The following MAGI1 variants were observed in gnomAD, a reference collection of about 807,000 sequenced individuals.
The protein encoded by MAGI1 is membrane associated guanylate kinase, WW and PDZ domain containing 1.
Under a neutral mutation model 139.9 loss-of-function variants are expected in MAGI1, and 58 were observed. The observed-to-expected ratio is 0.41, with a 90% confidence interval of 0.34 to 0.52. The LOEUF (loss-of-function observed/expected upper bound fraction) is 0.52. Among genes scored for constraint, MAGI1 ranks in the 20% least tolerant of loss-of-function variants. The pLI, the probability that MAGI1 is intolerant of heterozygous loss-of-function variation, is 0.12. For missense variants in MAGI1, 1,874 were observed against 1,901.6 expected (o/e 0.99, Z 0.27); for synonymous variants, 812 against 737.9 (o/e 1.10, Z -1.63).
chr3:65,604,485 A>C (rs535081048), intron 2 of MAGI1, among the ~76,000 whole-genome samples: 77 of 152,226 alleles, frequency 5.1e-4, no homozygotes, highest in Non-Finnish European at 1.0e-3. Flanking sequence ...AAACGATATC[A>C]GAGTTGCTAC....
intron 1 of MAGI1, among the ~76,000 whole-genome samples, chr3:65,836,841 C>A (rs1241265886): frequency 6.6e-6 from 1 of 152,040 alleles, no homozygotes; most frequent in African/African-American, 2.4e-5. Flanking sequence ...AGAGAAAGAG[C>A]GAGCTGTGCT....
At chr3:65,516,333 C>G (rs1006172806) in intron 2 of MAGI1, among the ~76,000 whole-genome samples, 1 of 152,168 alleles carries the variant, frequency 6.6e-6, no homozygotes, top group African/African-American at 2.4e-5. Flanking sequence ...GCATGTGCCA[C>G]CCCACCCGGC....
At chr3:65,965,811 T>C (rs973753746) in intron 1 of MAGI1, among the ~76,000 whole-genome samples, 1 of 152,106 alleles carries the variant, frequency 6.6e-6, no homozygotes. Context: ...TGCACCACCA[T>C]GCCCAGCTAA....
intron 1 of MAGI1, among the ~76,000 whole-genome samples, chr3:65,659,309 G>GA (rs1343356500): frequency 5.3e-5 from 8 of 152,138 alleles, no homozygotes; most frequent in Admixed American, 5.2e-4. Flanking sequence ...TAGCAAAAAA[G>GA]AGACTACTGA....
chr3:65,389,106 G>A (rs1272450348), intron 14 of MAGI1, among the ~76,000 whole-genome samples: 2 of 152,038 alleles, frequency 1.3e-5, no homozygotes, highest in Admixed American at 1.3e-4. Flanking sequence ...GCCTCCCAAA[G>A]TGCTGGGATT....
At chr3:65,680,666 C>T (rs981640246) in intron 1 of MAGI1, among the ~76,000 whole-genome samples, 8 of 152,072 alleles carry the variant, frequency 5.3e-5, no homozygotes, top group East Asian at 3.9e-4. Context: ...AGTGATCTTC[C>T]GGCCTCAGAC....
chr3:65,957,114 A>G (rs2064161388), intron 1 of MAGI1, among the ~76,000 whole-genome samples: 1 of 152,172 alleles, frequency 6.6e-6, no homozygotes, highest in South Asian at 2.1e-4. Context: ...AAAAGGCATA[A>G]TGACAGTATA....
intron 22 of MAGI1, chr3:65,360,730 A>G: frequency 8.9e-6 from 9 of 1,005,636 alleles, no homozygotes; most frequent in Non-Finnish European, 9.5e-6. Context: ...GAGGTTAGCA[A>G]AGCCCCCAAA....
intron 1 of MAGI1, among the ~76,000 whole-genome samples, chr3:65,798,291 G>A (rs140162637): frequency 3.9e-5 from 6 of 152,100 alleles, no homozygotes; most frequent in Admixed American, 2.0e-4. Context: ...GCAACAAAGC[G>A]AGACTCCATC....
intron 7 of MAGI1, among the ~76,000 whole-genome samples, chr3:65,444,903 C>T (rs1433845899): frequency 1.3e-5 from 2 of 152,164 alleles, no homozygotes; most frequent in Admixed American, 6.5e-5. Flanking sequence ...TTAACTTAAT[C>T]ATAGAAATTA....
intron 1 of MAGI1, among the ~76,000 whole-genome samples, chr3:65,783,102 C>T (rs2039068038): frequency 6.6e-6 from 1 of 151,628 alleles, no homozygotes; most frequent in Non-Finnish European, 1.5e-5. Flanking sequence ...AGGCAACCTA[C>T]TGGGGGAAAT....
intron 1 of MAGI1, among the ~76,000 whole-genome samples, chr3:65,641,415 T>C (rs1280999469): frequency 6.6e-6 from 1 of 152,192 alleles, no homozygotes; most frequent in African/African-American, 2.4e-5. Context: ...AGGGAAGGAC[T>C]AGGCATCGGT....
At chr3:65,992,438 G>C (rs2066231329) in intron 1 of MAGI1, among the ~76,000 whole-genome samples, 1 of 125,056 alleles carries the variant, frequency 8.0e-6, no homozygotes, top group Non-Finnish European at 1.7e-5. Context: ...TTGCATTGAA[G>C]AAAACCTGAG....
intron 1 of MAGI1, among the ~76,000 whole-genome samples, chr3:65,986,156 C>A (rs1210595453): frequency 6.6e-6 from 1 of 152,126 alleles, no homozygotes; most frequent in Non-Finnish European, 1.5e-5. Flanking sequence ...TAAACACAGG[C>A]ATGTTTGCAA....
chr3:65,541,904 T>C (rs1240770969), intron 2 of MAGI1, among the ~76,000 whole-genome samples: 4 of 152,152 alleles, frequency 2.6e-5, no homozygotes, highest in African/African-American at 7.2e-5. Context: ...CAACATAGTG[T>C]TGGAAGTTCT....
intron 1 of MAGI1, among the ~76,000 whole-genome samples, chr3:65,863,844 A>T (rs1279557604): frequency 2.6e-5 from 4 of 152,100 alleles, no homozygotes; most frequent in African/African-American, 9.7e-5. Flanking sequence ...TTCCTACCCC[A>T]ATTCTACCTC....
chr3:65,916,127 C>T (rs1405302226), intron 1 of MAGI1, among the ~76,000 whole-genome samples: 3 of 151,608 alleles, frequency 2.0e-5, no homozygotes, highest in African/African-American at 7.3e-5. Flanking sequence ...AGCGCAGTGG[C>T]ACATTTTCAG....
At chr3:65,819,441 C>A (rs1247446799) in intron 1 of MAGI1, among the ~76,000 whole-genome samples, 6 of 152,052 alleles carry the variant, frequency 3.9e-5, no homozygotes, top group Admixed American at 3.9e-4. Flanking sequence ...ATTGGTCATC[C>A]TAGTGACCAA....
chr3:65,901,724 C>T (rs533936991), intron 1 of MAGI1, among the ~76,000 whole-genome samples: 20 of 152,236 alleles, frequency 1.3e-4, no homozygotes, highest in East Asian at 3.9e-4. Flanking sequence ...CCAGATTCTG[C>T]GAAAAAGGCA....
Sources: allele counts gnomAD v4.1 joint callset (sites outside exome capture counted in the v4.1 genomes callset), GRCh38; gene constraint gnomAD v4.1.1; transcripts MANE v1.5; gene names NCBI Gene and HGNC (gene_info 2026-07-23, HGNC 2026-07-21).